The following TESPA1 variants were observed in gnomAD, a reference collection of about 807,000 sequenced individuals.
The protein encoded by TESPA1 is protein TESPA1.
Under a neutral mutation model 57.9 loss-of-function variants are expected in TESPA1, and 33 were observed. The observed-to-expected ratio is 0.57, with a 90% CI of 0.43 to 0.76. The LOEUF is 0.76. TESPA1 is among the 30% of genes least tolerant of loss of function. The probability of loss-of-function intolerance (pLI) is 0.00; values close to 1 mark genes in which losing one functional copy is unlikely to be tolerated. For synonymous variants in TESPA1, 227 were observed against 228.9 expected (o/e 0.99, Z 0.07); for missense variants, 618 against 632.9 (o/e 0.98, Z 0.25).
chr12:54,951,935 G>C (rs961693299), intron 10 of TESPA1, among the ~76,000 whole-genome samples: 3 of 150,918 alleles, frequency 2.0e-5, no homozygotes, highest in African/African-American at 4.9e-5. Flanking sequence ...TTATAAGTAA[G>C]CCTTGAACTC....
chr12:54,975,414 G>C (rs1952094765), intron 1 of TESPA1, among the ~76,000 whole-genome samples: 1 of 151,988 alleles, frequency 6.6e-6, no homozygotes, highest in South Asian at 2.1e-4. Flanking sequence ...ATTTTTCCAA[G>C]AGACACAATG....
chr12:54,971,831 T>G (rs1951849527), intron 3 of TESPA1, among the ~76,000 whole-genome samples: 1 of 152,184 alleles, frequency 6.6e-6, no homozygotes, highest in Non-Finnish European at 1.5e-5. Flanking sequence ...AGTTAATATG[T>G]ATCATTTCTG....
intron 3 of TESPA1, among the ~76,000 whole-genome samples, chr12:54,972,072 A>C (rs1214876729): frequency 6.6e-6 from 1 of 152,242 alleles, no homozygotes; most frequent in African/African-American, 2.4e-5. Context: ...TACAGTGAAC[A>C]GAATTTAAGT....
At chr12:54,966,269 T>C (rs1424916997) in intron 6 of TESPA1, 118 bp from the exon 7 acceptor site, 2 of 1,581,388 alleles carry the variant, frequency 1.3e-6, no homozygotes, top group Non-Finnish European at 1.7e-6. Flanking sequence ...TGCTTGTTCG[T>C]TGGAAAGTCT....
At chr12:54,952,068 T>C (rs1950434807) in intron 10 of TESPA1, among the ~76,000 whole-genome samples, 1 of 152,104 alleles carries the variant, frequency 6.6e-6, no homozygotes, top group Non-Finnish European at 1.5e-5. Context: ...GGTGAGGTCT[T>C]AGGGAAAAAA....
At chr12:54,974,259 TA>T in intron 2 of TESPA1, 140 bp downstream of exon 2, 1 of 644,074 alleles carries the variant, frequency 1.6e-6, no homozygotes, top group Non-Finnish European at 2.4e-6. Context: ...GCTTTTCTCC[TA>T]AACATATTTA....
chr12:54,953,112 G>A (rs1379124397), intron 10 of TESPA1, among the ~76,000 whole-genome samples: 1 of 151,874 alleles, frequency 6.6e-6, no homozygotes, highest in African/African-American at 2.4e-5. Context: ...TTACTCTGCC[G>A]GCTTCCTACC....
At chr12:54,957,223 C>G (rs1950787831) in intron 10 of TESPA1, among the ~76,000 whole-genome samples, 1 of 152,168 alleles carries the variant, frequency 6.6e-6, no homozygotes. Context: ...CTGGGTGTCT[C>G]TGGGCAATGC....
At chr12:54,978,992 A>G (rs1952222625) in intron 1 of TESPA1, among the ~76,000 whole-genome samples, 1 of 152,220 alleles carries the variant, frequency 6.6e-6, no homozygotes, top group African/African-American at 2.4e-5. Context: ...AGCAAGAATC[A>G]CCCTGGCACT....
At chr12:54,968,105 T>G in intron 3 of TESPA1, 1 of 1,203,750 alleles carries the variant, frequency 8.3e-7, no homozygotes, top group South Asian at 1.4e-5. Flanking sequence ...ATGCACTATA[T>G]TTTAGATTGT....
chr12:54,971,026 G>A (rs911459287), intron 3 of TESPA1, among the ~76,000 whole-genome samples: 4 of 152,224 alleles, frequency 2.6e-5, no homozygotes, highest in African/African-American at 9.6e-5. Context: ...GCAAAGACAT[G>A]CATGATCAGA....
At chr12:54,956,932 TAGTGACATTAATCCATTTACG>T (rs1172492031) in intron 10 of TESPA1, among the ~76,000 whole-genome samples, 1 of 152,140 alleles carries the variant, frequency 6.6e-6, no homozygotes, top group Non-Finnish European at 1.5e-5. Flanking sequence ...TCTCCCACAA[TAGTGACATTAATCCATTTACG>T]AGGACAGAGC....
At chr12:54,977,826 G>A (rs1482037120) in intron 1 of TESPA1, among the ~76,000 whole-genome samples, 1 of 152,136 alleles carries the variant, frequency 6.6e-6, no homozygotes, top group Admixed American at 6.5e-5. Flanking sequence ...ACAGGATAGA[G>A]GACTGGGAAA....
chr12:54,963,199 G>C lies in TESPA1; in HGVS notation c.699C>G (p.Ala233=), dbSNP rs375053169. The C allele has an allele frequency of 1.1e-5, 17 of 1,613,746 alleles. 1 individual carries two copies. In the South Asian group the frequency reaches 1.8e-4, roughly 17 times the overall value. The part of the protein sequence containing the change: ...QVQTLAVTAD[A]FFCLYSYVSK... ...ACACATAGGAGTAGAGACAGAAGAA[G>C]GCATCAGCAGTGACAGCCAGTGTTT... The change falls in exon 9 of 11, where the codon GCC becomes GCG. Residue 233 remains alanine, a synonymous_variant. Transcript: ENST00000449076.
At chr12:54,951,566 T>C (rs12579909) in intron 10 of TESPA1, among the ~76,000 whole-genome samples, 31,238 of 152,186 alleles carry the variant, frequency 0.21, 5,457 homozygotes, top group East Asian at 0.84. Flanking sequence ...CTACTTTCTT[T>C]TCAACATTTC....
At chr12:54,979,731 A>G (rs906583198) in intron 1 of TESPA1, among the ~76,000 whole-genome samples, 7 of 152,226 alleles carry the variant, frequency 4.6e-5, no homozygotes, top group African/African-American at 1.7e-4. Flanking sequence ...AATTATTATC[A>G]GAGGCAGTAA....
rs984832864 is a variant in TESPA1, at chr12:54,975,884, G to A, written c.-45-1277C>T. 2.6e-5 allele frequency among the ~76,000 whole-genome samples: 4 copies of A among 152,008 alleles called. No individual in the cohort carries two copies. In the East Asian group the frequency reaches 7.7e-4, roughly 29 times the overall value. ...TTTTTAGTGCCTCTGCTTGTTACAG[G>A]CAAAACATACCTAGGAAAAAATAAT... On this transcript the variant is annotated intron_variant, in intron 1 of 10. Coordinates refer to ENST00000449076, the MANE Select transcript of TESPA1 (RefSeq NM_001136030.3).
intron 10 of TESPA1, among the ~76,000 whole-genome samples, chr12:54,956,554 C>T (rs1950748584): frequency 6.6e-6 from 1 of 152,106 alleles, no homozygotes; most frequent in Admixed American, 6.5e-5. Context: ...TGTGGGTCAT[C>T]CTTTCTCAGG....
At chr12:54,961,294 G>A in intron 9 of TESPA1, 27 bp from the exon 10 acceptor site, 2 of 1,613,352 alleles carry the variant, frequency 1.2e-6, no homozygotes, top group Non-Finnish European at 1.7e-6. Flanking sequence ...ACAGAACTCA[G>A]CCAGAGCCAA....
Sources: allele counts gnomAD v4.1 joint callset (sites outside exome capture counted in the v4.1 genomes callset), GRCh38; gene constraint gnomAD v4.1.1; transcripts MANE v1.5; gene names NCBI Gene and HGNC (gene_info 2026-07-23, HGNC 2026-07-21).